The following CC2D2A variants were observed in gnomAD, a reference collection of about 807,000 sequenced individuals.
CC2D2A encodes the protein coiled-coil and C2 domain containing 2A.
In CC2D2A, 155 loss-of-function variants were observed where a neutral mutation model predicts 212.9. The observed-to-expected ratio is 0.73, with a 90% confidence interval of 0.64 to 0.83. The LOEUF (loss-of-function observed/expected upper bound fraction) is 0.83. Ranked by LOEUF, CC2D2A falls within the 40% of genes least tolerant of loss-of-function variation. The pLI is 0.00. For synonymous variants in CC2D2A, 667 were observed against 686.5 expected, an observed-to-expected ratio of 0.97 and a Z score of 0.44; for missense variants, 1,856 against 1,956.2, an observed-to-expected ratio of 0.95 and a Z score of 0.97.
At chr4:15,534,540 T>G (rs1454339626) in intron 14 of CC2D2A, among the ~76,000 whole-genome samples, 1 of 152,224 alleles carries the variant, frequency 6.6e-6, no homozygotes, top group African/African-American at 2.4e-5. Context: ...TAGACTTTTA[T>G]ATATGCTTAA....
intron 6 of CC2D2A, among the ~76,000 whole-genome samples, chr4:15,507,576 T>G (rs564984715): frequency 6.6e-6 from 1 of 152,316 alleles, no homozygotes; most frequent in East Asian, 1.9e-4. Context: ...TGTCACCCTC[T>G]GAAAGTTCAC....
At chr4:15,519,503 A>C (rs1007056178) in intron 11 of CC2D2A, 2 of 449,778 alleles carry the variant, frequency 4.4e-6, no homozygotes, top group South Asian at 1.6e-5. Flanking sequence ...GTATCTTTTC[A>C]GTAGTACTGC....
rs1718392791 is a variant in CC2D2A, at chr4:15,540,875, C to CA, written c.2043dup (p.Val682SerfsTer49). 6.3e-7 allele frequency: 1 copy of CA among 1,599,414 alleles called. No individual in the cohort carries two copies. The highest frequency in any genetic ancestry group is 8.5e-7 in the Non-Finnish European group (1 of 1,172,818). On this transcript the variant is annotated frameshift_variant, in exon 17 of 37. Coordinates refer to ENST00000424120, the MANE Select transcript of CC2D2A (RefSeq NM_001378615.1). LOFTEE classifies it high-confidence loss of function. ...AGAAGGGAGGATGTAAAGAAGCGCT[C>CA]AGTGTACTTAAAAGTGCTGTTCAAC... is the stretch of plus-strand genomic sequence containing the variant.
intron 8 of CC2D2A, chr4:15,511,677 G>T (rs1716577380): frequency 3.9e-6 from 1 of 256,570 alleles, no homozygotes; most frequent in African/African-American, 2.2e-5. Flanking sequence ...ATTAAATAAT[G>T]TGGCTTGAGG....
Position 15,475,906 on chromosome 4 carries a change from C to T in CC2D2A, c.-18-9C>T, listed in dbSNP as rs2108965761. 1 of 1,571,686 alleles carries T rather than the reference C, an allele frequency of 6.4e-7. No individual in the cohort carries two copies. The highest frequency in any genetic ancestry group is 8.6e-7 in the Non-Finnish European group (1 of 1,156,374). On this transcript the variant is annotated splice_polypyrimidine_tract_variant and intron_variant, in intron 1 of 36. Transcript: ENST00000424120. ...CAAAATGCCTGACTTCTTCATTGTTCTTTGTCAGGGACCCATCCCAGCCAA... is the reference window on the plus strand; with the variant it reads ...CAAAATGCCTGACTTCTTCATTGTTTTTTGTCAGGGACCCATCCCAGCCAA...
At chr4:15,566,226 C>T (rs1433520067) in intron 24 of CC2D2A, among the ~76,000 whole-genome samples, 3 of 152,154 alleles carry the variant, frequency 2.0e-5, no homozygotes, top group South Asian at 2.1e-4. Flanking sequence ...GGATAAGACT[C>T]GCTGATCCTA....
At chr4:15,471,226 T>C (rs891685372) in intron 1 of CC2D2A, among the ~76,000 whole-genome samples, 10 of 152,160 alleles carry the variant, frequency 6.6e-5, no homozygotes, top group Non-Finnish European at 1.5e-5. Flanking sequence ...AGAAAAATGT[T>C]CTCAGGGTGT....
intron 4 of CC2D2A, among the ~76,000 whole-genome samples, chr4:15,497,608 A>G (rs1230338257): frequency 6.6e-6 from 1 of 152,228 alleles, no homozygotes; most frequent in Non-Finnish European, 1.5e-5. Flanking sequence ...AGCTACAGCA[A>G]TTTATATTCC....
intron 10 of CC2D2A, 94 bp downstream of exon 10, chr4:15,516,098 C>A: frequency 2.4e-6 from 3 of 1,265,206 alleles, no homozygotes; most frequent in Non-Finnish European, 2.1e-6. Flanking sequence ...CCACTGTACT[C>A]ATTTCCTCTT....
intron 10 of CC2D2A, 42 bp downstream of exon 10, chr4:15,516,046 C>T: frequency 6.8e-7 from 1 of 1,477,060 alleles, no homozygotes; most frequent in Non-Finnish European, 9.0e-7. Flanking sequence ...CCTGGGCACA[C>T]TAGACATAGC....
In CC2D2A at chr4:15,492,776, C is replaced by G; in HGVS notation, c.248-9653C>G. On this transcript the variant is annotated intron_variant, in intron 4 of 36. Transcript: ENST00000424120. ...AGGTCCACCACTCTATTGCTATAGC[C>G]AAATTCATTGTCATACCAGGAAATG... The G allele has an allele frequency of 1.5e-5, 11 of 710,422 alleles. 1 individual carries two copies. Among genetic ancestry groups the G allele is most frequent in the South Asian group, 1.5e-4 (11 of 72,296 alleles). The allele number at this position is 710,422 out of a possible 1,614,324, so 44.0% of individuals were successfully genotyped here. A position where few individuals can be genotyped will look rare whatever the true frequency, so the allele number is the denominator to read the frequency against.
intron 4 of CC2D2A, among the ~76,000 whole-genome samples, chr4:15,493,755 C>T (rs2108989315): frequency 6.6e-6 from 1 of 152,304 alleles, no homozygotes; most frequent in South Asian, 2.1e-4. Context: ...GTTTTGTTTA[C>T]TGCCCTATCC....
At chr4:15,574,435 C>T in intron 29 of CC2D2A, 109 bp downstream of exon 29, 1 of 739,180 alleles carries the variant, frequency 1.4e-6, no homozygotes, top group Non-Finnish European at 2.1e-6. Context: ...GCCTTCCTTA[C>T]TTCAATCTCC....
intron 8 of CC2D2A, among the ~76,000 whole-genome samples, chr4:15,514,036 G>T (rs941216509): frequency 1.3e-5 from 2 of 152,192 alleles, no homozygotes; most frequent in African/African-American, 4.8e-5. Context: ...GAGGAAGGAA[G>T]AGAAGACGTT....
At chr4:15,478,897 C>A in intron 3 of CC2D2A, 91 bp downstream of exon 3, 1 of 1,111,544 alleles carries the variant, frequency 9.0e-7, no homozygotes. Context: ...ACAAGGGCAG[C>A]CTTCCTTCTT....
intron 32 of CC2D2A, among the ~76,000 whole-genome samples, chr4:15,588,881 TAAC>T (rs1720968279): frequency 1.3e-5 from 2 of 151,764 alleles, no homozygotes; most frequent in Non-Finnish European, 2.9e-5. Context: ...GAATAAATGA[TAAC>T]AATAATAAAT....
Position 15,538,096 on chromosome 4 carries a change from A to G in CC2D2A, c.1962A>G (p.Leu654=), listed in dbSNP as rs2109035390. ...GGGAGCCCACGCTGGTCCCGGAGCTAAGCCTGGCAGGAAGCGTAACACCCA... is the reference window on the plus strand; with the variant it reads ...GGGAGCCCACGCTGGTCCCGGAGCTGAGCCTGGCAGGAAGCGTAACACCCA... ...RPWEPTLVPE[L]SLAGSVTPND... Residue 654 remains leucine (L), a synonymous_variant, in exon 16 of 37, where the codon CTA becomes CTG. Transcript: ENST00000424120. 1 of 1,602,848 alleles carries G rather than the reference A, an allele frequency of 6.2e-7. No homozygotes were observed. The highest frequency in any genetic ancestry group is 1.1e-5 in the South Asian group (1 of 88,822).
At chr4:15,556,121 T>A (rs921891085) in intron 20 of CC2D2A, among the ~76,000 whole-genome samples, 1 of 152,250 alleles carries the variant, frequency 6.6e-6, no homozygotes, top group Non-Finnish European at 1.5e-5. Flanking sequence ...GCAAATAAAT[T>A]GGAACATTAG....
chr4:15,516,162 T>G (rs1373075049), intron 10 of CC2D2A, among the ~76,000 whole-genome samples, 158 bp downstream of exon 10: 2 of 152,068 alleles, frequency 1.3e-5, no homozygotes, highest in East Asian at 1.9e-4. Flanking sequence ...TCTCTCTCAG[T>G]ACATTTATTG....
Sources: allele counts gnomAD v4.1 joint callset (sites outside exome capture counted in the v4.1 genomes callset), GRCh38; gene constraint gnomAD v4.1.1; transcripts MANE v1.5; gene names NCBI Gene and HGNC (gene_info 2026-07-23, HGNC 2026-07-21).